ARHGAP32: variants seen among roughly 807,000 people sequenced by gnomAD.
The protein encoded by ARHGAP32 is Rho GTPase activating protein 32.
Under a neutral mutation model 186.5 loss-of-function variants are expected in ARHGAP32, and 51 were observed. The ratio of observed to expected loss-of-function variants is 0.27; its 90% CI spans 0.22 to 0.35. The LOEUF is 0.35. ARHGAP32 is among the 10% of genes least tolerant of loss of function. The pLI is 1.00. For missense variants in ARHGAP32, 2,186 were observed against 2,623.5 expected (o/e 0.83, Z 3.64); for synonymous variants, 950 against 964.3 (o/e 0.99, Z 0.27).
chr11:128,968,787 C>A lies in ARHGAP32; in HGVS notation c.*120G>T. On this transcript the variant is annotated 3_prime_UTR_variant, in exon 23 of 23. Transcript: ENST00000682385. Reference sequence around the variant, plus strand: ...ATGCTGATTTGTTTACTTTTATTATCATTTTTTAAATGTGGTCAGGGGTTT... The same window carrying A: ...ATGCTGATTTGTTTACTTTTATTATAATTTTTTAAATGTGGTCAGGGGTTT... 1.3e-6 allele frequency: 1 copy of A among 794,914 alleles called. No individual in the cohort carries two copies. Among genetic ancestry groups the A allele is most frequent in the Non-Finnish European group, 1.8e-6 (1 of 570,820 alleles). The allele number at this position is 794,914 out of a possible 1,614,324, so 49.2% of individuals were successfully genotyped here.
chr11:129,085,185 G>A (rs907159555), intron 6 of ARHGAP32, among the ~76,000 whole-genome samples: 2 of 151,866 alleles, frequency 1.3e-5, no homozygotes, highest in Non-Finnish European at 2.9e-5. Context: ...CACCACACAT[G>A]GCTAATTTTT....
chr11:129,232,667 A>G (rs970166313), intron 1 of ARHGAP32, among the ~76,000 whole-genome samples: 9 of 152,060 alleles, frequency 5.9e-5, no homozygotes, highest in African/African-American at 1.7e-4. Flanking sequence ...GGCTGGGGGG[A>G]AAAATTTCCT....
At chr11:129,091,524 A>G (rs534402828) in intron 6 of ARHGAP32, among the ~76,000 whole-genome samples, 1 of 152,262 alleles carries the variant, frequency 6.6e-6, no homozygotes, top group African/African-American at 2.4e-5. Flanking sequence ...CTAACAGAAT[A>G]AGAGAAGAAA....
intron 1 of ARHGAP32, among the ~76,000 whole-genome samples, chr11:129,168,629 GTA>G (rs1468306696): frequency 6.6e-6 from 1 of 152,120 alleles, no homozygotes; most frequent in Non-Finnish European, 1.5e-5. Context: ...AAAACTGTAA[GTA>G]TATGACTTGA....
Position 128,985,948 on chromosome 11 carries a change from G to T in ARHGAP32, c.1526+55C>A, listed in dbSNP as rs769804286. ...ATAGAAATCCAAAGGAAAAAAAAAC[G>T]TTTACAGGTCAACCGACTTCTACCT... On this transcript the variant is annotated intron_variant, in intron 15 of 22. Transcript: ENST00000682385. The T allele has an allele frequency of 2.3e-5, 30 of 1,293,916 alleles. No homozygotes were observed. In the East Asian group the frequency reaches 6.8e-4, roughly 30 times the overall value. The allele number at this position is 1,293,916 out of a possible 1,614,324, so 80.2% of individuals were successfully genotyped here.
intron 11 of ARHGAP32, among the ~76,000 whole-genome samples, chr11:128,999,713 C>G (rs1352416259): frequency 2.0e-5 from 3 of 152,120 alleles, no homozygotes; most frequent in African/African-American, 7.2e-5. Flanking sequence ...AGAAAAGAAC[C>G]TACATTAAAA....
chr11:128,969,207 G>A lies in ARHGAP32; in HGVS notation c.6006C>T (p.Ser2002=), dbSNP rs1262254707. The change falls in exon 23 of 23, where the codon AGC becomes AGT. Residue 2002 remains serine, a synonymous_variant. Transcript: ENST00000682385. This position sits in a 1 kb window ranked among gnomAD's most constrained non-coding sequence, Gnocchi z 4.8. ...VPPPKPERSH[S]LKLHHTQNVE... is the part of the protein sequence containing the mutation. ...CGTTCTGGGTATGATGGAGTTTGAG[G>A]CTATGACTCCTCTCTGGTTTAGGGG... is the stretch of plus-strand genomic sequence containing the variant. 1.2e-6 allele frequency: 2 copies of A among 1,613,894 alleles called. No individual in the cohort carries two copies. Among genetic ancestry groups the A allele is most frequent in the Non-Finnish European group, 1.7e-6 (2 of 1,179,942 alleles).
At position 129,138,222 on chromosome 11, in the gene ARHGAP32, G is replaced by A. The variant is rs146142444; in HGVS notation, c.226-13328C>T. Among the ~76,000 whole-genome samples, 699 of 140,542 alleles carry A rather than the reference G, an allele frequency of 5.0e-3. 3 individuals carry two copies. Among genetic ancestry groups the A allele is most frequent in the South Asian group, 0.027 (119 of 4,346 alleles). The allele number at this position is 140,542 out of a possible 152,430, so 92.2% of individuals were successfully genotyped here. A position where few individuals can be genotyped will look rare whatever the true frequency, so the allele number is the denominator to read the frequency against. On this transcript the variant is annotated intron_variant, in intron 2 of 22. Transcript: ENST00000682385. ...GGATGGGGAGCAAACTGTTTGACAA[G>A]AATTCATGTAACAAGATCTGAGATC... is the stretch of plus-strand genomic sequence containing the variant.
At chr11:129,225,847 A>C (rs771852662) in intron 1 of ARHGAP32, among the ~76,000 whole-genome samples, 16 of 152,174 alleles carry the variant, frequency 1.1e-4, no homozygotes, top group Non-Finnish European at 2.2e-4. Flanking sequence ...ATACGTTCAA[A>C]GAACTAAAGG....
At chr11:129,164,525 A>G (rs1358178510) in intron 1 of ARHGAP32, 98 bp from the exon 2 acceptor site, 3 of 702,762 alleles carry the variant, frequency 4.3e-6, no homozygotes, top group Non-Finnish European at 7.0e-6. Flanking sequence ...TACATGTCAG[A>G]TTTGAAGTTT....
At chr11:129,052,630 T>C (rs995884912) in intron 10 of ARHGAP32, among the ~76,000 whole-genome samples, 11 of 152,088 alleles carry the variant, frequency 7.2e-5, no homozygotes, top group African/African-American at 2.7e-4. Flanking sequence ...GATACAGTCC[T>C]AAGTATTTCC....
At chr11:129,108,625 C>G (rs1282215200) in intron 5 of ARHGAP32, among the ~76,000 whole-genome samples, 1 of 152,136 alleles carries the variant, frequency 6.6e-6, no homozygotes, top group African/African-American at 2.4e-5. Flanking sequence ...GGAAAAATAT[C>G]TGCTCGAGCC....
chr11:128,987,975 A>G (rs778892595), intron 13 of ARHGAP32, 48 bp downstream of exon 13: 1 of 1,229,046 alleles, frequency 8.1e-7, no homozygotes, highest in South Asian at 1.3e-5. Flanking sequence ...AAATATTTGC[A>G]TTTTAATTAG....
chr11:129,093,207 T>C (rs1367695519), intron 6 of ARHGAP32, among the ~76,000 whole-genome samples: 1 of 152,074 alleles, frequency 6.6e-6, no homozygotes, highest in Non-Finnish European at 1.5e-5. Context: ...AGCTGAATCA[T>C]TTAATGTAGT....
intron 2 of ARHGAP32, among the ~76,000 whole-genome samples, chr11:129,146,632 A>G (rs990130420): frequency 3.3e-5 from 5 of 152,114 alleles, no homozygotes; most frequent in African/African-American, 9.6e-5. Context: ...GAATCTAGTT[A>G]CAGATTTATG....
chr11:129,111,901 T>C (rs1942228509), intron 5 of ARHGAP32, among the ~76,000 whole-genome samples: 1 of 152,104 alleles, frequency 6.6e-6, no homozygotes, highest in South Asian at 2.1e-4. Flanking sequence ...TAGCAGGGAC[T>C]ATGGCACATA....
chr11:128,981,607 G>T, intron 16 of ARHGAP32, 46 bp from the exon 17 acceptor site: 1 of 1,556,590 alleles, frequency 6.4e-7, no homozygotes, highest in Non-Finnish European at 8.7e-7. Context: ...GATAGCAGTC[G>T]TCAAGGGCCT....
At chr11:128,977,121 A>AT (rs1333996391) in intron 19 of ARHGAP32, among the ~76,000 whole-genome samples, 1 of 152,086 alleles carries the variant, frequency 6.6e-6, no homozygotes, top group African/African-American at 2.4e-5. Context: ...GCAAGGAAGG[A>AT]TTTTTCCCTG....
At chr11:129,058,236 C>CTATATA (rs1251998127) in intron 10 of ARHGAP32, among the ~76,000 whole-genome samples, 138 of 132,900 alleles carry the variant, frequency 1.0e-3, no homozygotes, top group Non-Finnish European at 2.0e-3. Context: ...CTCTCTCTCT[C>CTATATA]TCTATATATA....
Sources: allele counts gnomAD v4.1 joint callset (sites outside exome capture counted in the v4.1 genomes callset), GRCh38; gene constraint gnomAD v4.1.1; non-coding constraint Gnocchi (gnomAD v3.1); transcripts MANE v1.5; gene names NCBI Gene and HGNC (gene_info 2026-07-23, HGNC 2026-07-21).